Variants in STK39 observed in about 807,000 individuals in gnomAD.
The protein encoded by STK39 is STE20/SPS1-related proline-alanine-rich protein kinase.
A neutral mutation model predicts 77.8 loss-of-function variants in STK39; 20 were observed. The observed-to-expected ratio is 0.26, with a 90% confidence interval of 0.18 to 0.37. The LOEUF (loss-of-function observed/expected upper bound fraction) is 0.37, where lower values mean the gene tolerates loss of function less well. Ranked by LOEUF, STK39 falls within the 10% of genes least tolerant of loss-of-function variation. The pLI is 1.00. For synonymous variants in STK39, 246 were observed against 234.1 expected, an observed-to-expected ratio of 1.05 and a Z score of -0.47; for missense variants, 479 against 656.5, an observed-to-expected ratio of 0.73 and a Z score of 2.95.
chr2:168,041,668 C>G (rs144292743), intron 14 of STK39, among the ~76,000 whole-genome samples: 1 of 152,146 alleles, frequency 6.6e-6, no homozygotes, highest in African/African-American at 2.4e-5. Flanking sequence ...AGATGGTGGT[C>G]AGAACTCCTA....
At chr2:167,997,492 G>A (rs901547158) in intron 16 of STK39, among the ~76,000 whole-genome samples, 3 of 152,098 alleles carry the variant, frequency 2.0e-5, no homozygotes, top group African/African-American at 7.2e-5. Flanking sequence ...ACCATTCCAT[G>A]AGTTAAGTGG....
At position 168,040,875 on chromosome 2, in the gene STK39, CA is replaced by C. The variant is rs1382701147; in HGVS notation, c.1376+22624del. ...CAGCACTGCCTTGTTATAGAGTAAG[CA>C]CTTAAAAAAATAGTCACTGAATTAC... is the stretch of plus-strand genomic sequence containing the variant. On this transcript the variant is annotated intron_variant, in intron 14 of 17. Coordinates refer to ENST00000355999, the MANE Select transcript of STK39 (RefSeq NM_013233.3). Among the ~76,000 whole-genome samples, 38 of 152,242 alleles carry C rather than the reference CA, an allele frequency of 2.5e-4. 1 individual carries two copies. The highest frequency in any genetic ancestry group is 1.9e-4 in the East Asian group (1 of 5,194).
chr2:168,060,869 C>T (rs1685646741), intron 14 of STK39, among the ~76,000 whole-genome samples: 1 of 151,260 alleles, frequency 6.6e-6, no homozygotes, highest in South Asian at 2.1e-4. Flanking sequence ...GAATGGTTTC[C>T]AACAGATGTC....
At chr2:168,205,698 A>G (rs1214731179) in intron 1 of STK39, among the ~76,000 whole-genome samples, 3 of 152,094 alleles carry the variant, frequency 2.0e-5, no homozygotes, top group African/African-American at 7.2e-5. Flanking sequence ...ACGTCTCTGT[A>G]GTCTCAAGTA....
At chr2:168,244,499 G>A (rs557165192) in intron 1 of STK39, among the ~76,000 whole-genome samples, 6 of 152,288 alleles carry the variant, frequency 3.9e-5, no homozygotes, top group Middle Eastern at 3.4e-3. Flanking sequence ...GACACCTGCC[G>A]TATGGCGGGT....
At chr2:168,225,276 GGAGAAGATA>G (rs1304697883) in intron 1 of STK39, among the ~76,000 whole-genome samples, 11 of 110,004 alleles carry the variant, frequency 1.0e-4, no homozygotes, top group African/African-American at 3.3e-4. Context: ...CAATATCCAT[GGAGAAGATA>G]CTGCTGATAA....
chr2:168,069,039 C>G (rs567010285), intron 12 of STK39, among the ~76,000 whole-genome samples: 56 of 152,304 alleles, frequency 3.7e-4, no homozygotes, highest in Non-Finnish European at 5.0e-4. Flanking sequence ...GCCTCAGCCT[C>G]CTGAGTAGCT....
At chr2:167,979,178 CT>C (rs1683354430) in intron 16 of STK39, among the ~76,000 whole-genome samples, 1 of 152,058 alleles carries the variant, frequency 6.6e-6, no homozygotes, top group African/African-American at 2.4e-5. Context: ...TTTCTTTTTG[CT>C]TGGGTAGATA....
At chr2:168,183,956 AC>A (rs35874104) in intron 1 of STK39, among the ~76,000 whole-genome samples, 4,936 of 152,286 alleles carry the variant, frequency 0.032, 248 homozygotes, top group East Asian at 0.23. Context: ...GCTGGTTAGC[AC>A]TGGGCCTGGT....
Position 168,187,842 on chromosome 2 carries a change from C to G in STK39, c.209-5752G>C, listed in dbSNP as rs186447625. Among the ~76,000 whole-genome samples, 548 of 152,090 alleles carry G rather than the reference C, an allele frequency of 3.6e-3. 6 individuals are homozygous for G. The highest frequency in any genetic ancestry group is 6.8e-3 in the Middle Eastern group (2 of 294). ...GAACTTTACGTTAAAGTTAAGACGT[C>G]AATTGTCCAGTAACCCCTTCCCATA... On this transcript the variant is annotated intron_variant, in intron 1 of 17. Transcript: ENST00000355999.
At chr2:168,079,410 A>G (rs774197288) in intron 10 of STK39, among the ~76,000 whole-genome samples, 9 of 152,190 alleles carry the variant, frequency 5.9e-5, no homozygotes, top group Non-Finnish European at 8.8e-5. Context: ...CTTCCTATCC[A>G]ATCCACACTT....
intron 1 of STK39, among the ~76,000 whole-genome samples, chr2:168,226,804 A>T (rs1559155518): frequency 6.6e-6 from 1 of 152,246 alleles, no homozygotes; most frequent in Non-Finnish European, 1.5e-5. Context: ...AGTATCTATC[A>T]AAAGTATAAA....
intron 15 of STK39, among the ~76,000 whole-genome samples, chr2:168,013,322 A>G (rs1313562999): frequency 3.3e-5 from 5 of 152,246 alleles, no homozygotes; most frequent in Non-Finnish European, 7.3e-5. Flanking sequence ...GGAGTTCGCA[A>G]TCTCATAAGG....
intron 1 of STK39, among the ~76,000 whole-genome samples, 198 bp downstream of exon 1, chr2:168,247,030 C>T (rs1379855944): frequency 2.9e-5 from 4 of 138,176 alleles, no homozygotes; most frequent in African/African-American, 1.1e-4. Flanking sequence ...GCAGCACCAA[C>T]GCTCATAGAA....
At chr2:168,117,345 G>A (rs1024357588) in intron 10 of STK39, among the ~76,000 whole-genome samples, 20 of 152,108 alleles carry the variant, frequency 1.3e-4, no homozygotes, top group Non-Finnish European at 2.4e-4. Flanking sequence ...CCATGAAGAC[G>A]ATCCTCATCA....
At chr2:168,104,789 C>A (rs142371583) in intron 10 of STK39, among the ~76,000 whole-genome samples, 1 of 152,150 alleles carries the variant, frequency 6.6e-6, no homozygotes, top group Non-Finnish European at 1.5e-5. Context: ...TACCCTTTGA[C>A]CTTGCATTTC....
At chr2:168,206,502 A>G (rs1415531210) in intron 1 of STK39, among the ~76,000 whole-genome samples, 1 of 152,048 alleles carries the variant, frequency 6.6e-6, no homozygotes, top group African/African-American at 2.4e-5. Flanking sequence ...GGGTTTTGCC[A>G]TGTTGGCCAG....
At chr2:168,031,780 T>C (rs1684839091) in intron 14 of STK39, among the ~76,000 whole-genome samples, 1 of 152,300 alleles carries the variant, frequency 6.6e-6, no homozygotes, top group African/African-American at 2.4e-5. Context: ...GCCAGAACAA[T>C]GAGAAAATAA....
chr2:168,144,688 T>C (rs983731080), intron 5 of STK39, among the ~76,000 whole-genome samples: 3 of 151,958 alleles, frequency 2.0e-5, no homozygotes, highest in Non-Finnish European at 4.4e-5. Flanking sequence ...AACTGTTAGG[T>C]AGATCGATAA....
Sources: allele counts gnomAD v4.1 joint callset (sites outside exome capture counted in the v4.1 genomes callset), GRCh38; gene constraint gnomAD v4.1.1; transcripts MANE v1.5; gene names NCBI Gene and HGNC (gene_info 2026-07-23, HGNC 2026-07-21).